The following CHD4 variants were observed in gnomAD, a reference collection of about 807,000 sequenced individuals.
CHD4 encodes the protein ATP-dependent chromatin remodeler CHD4.
CHD4 carries 35 observed loss-of-function variants against 235.5 expected under a neutral mutation model. The ratio of observed to expected loss-of-function variants is 0.15; its 90% CI spans 0.11 to 0.20. CHD4 has a LOEUF of 0.20. Ranked by LOEUF, CHD4 falls within the 10% of genes least tolerant of loss-of-function variation. The pLI, the probability that CHD4 is intolerant of heterozygous loss-of-function variation, is 1.00. For missense variants in CHD4, 1,329 were observed against 2,432.3 expected (o/e 0.55, Z 9.54); for synonymous variants, 900 against 850.2 (o/e 1.06, Z -1.02).
Position 6,601,412 on chromosome 12 carries a change from C to G in CHD4, c.676G>C (p.Val226Leu). Reference sequence around the variant, plus strand: ...ACCGCTGCTGCTGCCGCAGCTGCCACTGATGCCCCAGAACTGCCTTTGAAG... The same window carrying G: ...ACCGCTGCTGCTGCCGCAGCTGCCAGTGATGCCCCAGAACTGCCTTTGAAG... The part of the protein sequence containing the change: ...NPFKGSSGAS[V>L]AAAAAAAVAV... The change falls in exon 6 of 40, where the codon GTG becomes CTG. Residue 226 changes from valine (V) to leucine (L), a missense_variant. This residue lies in a region of CHD4 where 160 missense variants were observed against 196.6 expected (regional missense o/e 0.81). Transcript: ENST00000544040. 1.2e-6 allele frequency: 2 copies of G among 1,614,206 alleles called. No homozygotes were observed. The highest frequency in any genetic ancestry group is 1.7e-6 in the Non-Finnish European group (2 of 1,180,044).
At position 6,570,671 on chromosome 12, in the gene CHD4, C is replaced by T; in HGVS notation, c.*5G>A. On this transcript the variant is annotated 3_prime_UTR_variant, in exon 40 of 40. Transcript: ENST00000544040. ...CAGCGGTGGAGGTGGTATCAGTCTGCATCTTCACTGCTGCTGGGCTACCTA... is the reference window on the plus strand; with the variant it reads ...CAGCGGTGGAGGTGGTATCAGTCTGTATCTTCACTGCTGCTGGGCTACCTA... 2.5e-6 allele frequency: 4 copies of T among 1,614,148 alleles called. No homozygotes were observed. Among genetic ancestry groups the T allele is most frequent in the Non-Finnish European group, 3.4e-6 (4 of 1,180,026 alleles).
At chr12:6,579,951 G>A (rs1454864959) in intron 33 of CHD4, among the ~76,000 whole-genome samples, 1 of 146,914 alleles carries the variant, frequency 6.8e-6, no homozygotes, top group East Asian at 2.1e-4. Flanking sequence ...AGCTACTCAG[G>A]AGGCTGAGGC....
At chr12:6,595,714 G>A (rs996523734) in intron 13 of CHD4, among the ~76,000 whole-genome samples, 1 of 151,424 alleles carries the variant, frequency 6.6e-6, no homozygotes, top group Non-Finnish European at 1.5e-5. Context: ...CTTGAACCCA[G>A]GAGGCGGAGG....
chr12:6,577,029 C>T (rs1182376382), intron 37 of CHD4, among the ~76,000 whole-genome samples: 2 of 152,138 alleles, frequency 1.3e-5, no homozygotes, highest in Non-Finnish European at 2.9e-5. Flanking sequence ...CTCTACCTCC[C>T]GACTTCAAGC....
chr12:6,595,501 G>C (rs1365757601), intron 13 of CHD4, 71 bp from the exon 14 acceptor site: 2 of 1,324,466 alleles, frequency 1.5e-6, no homozygotes. Flanking sequence ...GCCAGGCACA[G>C]TGGCTCACAC....
In CHD4 at chr12:6,600,910, T is replaced by C. The variant is rs1347216819; in HGVS notation, c.927+16A>G. 6 of 1,562,294 alleles carry C rather than the reference T, an allele frequency of 3.8e-6. No homozygotes were observed. Among genetic ancestry groups the C allele is most frequent in the East Asian group, 2.2e-5 (1 of 44,594 alleles). ...AGACATGGCACCCTCCCTAAAGCGA[T>C]GGGCTGGGCTCTCACCGAGGATCTC... On this transcript the variant is annotated intron_variant, in intron 7 of 39. Coordinates refer to ENST00000544040, the MANE Select transcript of CHD4 (RefSeq NM_001273.5).
intron 9 of CHD4, 65 bp downstream of exon 9, chr12:6,600,152 A>C (rs1255262245): frequency 1.3e-6 from 2 of 1,589,900 alleles, no homozygotes; most frequent in Admixed American, 1.7e-5. Flanking sequence ...CCAGGCCCCG[A>C]AGAGCTTTAC....
At chr12:6,576,129 C>T (rs960639874) in intron 37 of CHD4, among the ~76,000 whole-genome samples, 3 of 151,710 alleles carry the variant, frequency 2.0e-5, no homozygotes, top group Admixed American at 6.6e-5. Context: ...GAGTCCGAGG[C>T]GGGCAGAACA....
chr12:6,606,675 G>T, intron 1 of CHD4: 3 of 294,670 alleles, frequency 1.0e-5, no homozygotes, highest in Non-Finnish European at 1.9e-5. Flanking sequence ...GGGCAGGCTG[G>T]TGCAAGCGCG....
chr12:6,601,252 A>G, intron 6 of CHD4, 37 bp downstream of exon 6: 2 of 1,604,880 alleles, frequency 1.2e-6, no homozygotes, highest in Non-Finnish European at 8.5e-7. Context: ...TTAAGCCCAC[A>G]CTAGACACCC....
rs112128909 is a variant in CHD4 at position 6,582,974 on chromosome 12, G to T, written c.4148-38C>A. The T allele has an allele frequency of 1.4e-5, 23 of 1,601,456 alleles. No homozygotes were observed. The Admixed American group carries it at 3.5e-4, about 24-fold the overall frequency. On this transcript the variant is annotated intron_variant, in intron 27 of 39. Transcript: ENST00000544040. ...AAAGATGAATGAGTGACACAGGTAGGATATTAAACAAAGCAACATTTAGAA... is the reference window on the plus strand; with the variant it reads ...AAAGATGAATGAGTGACACAGGTAGTATATTAAACAAAGCAACATTTAGAA...
chr12:6,598,443 A>G lies in CHD4; in HGVS notation c.1483-18T>C. On this transcript the variant is annotated intron_variant, in intron 10 of 39. Transcript: ENST00000544040. ...GCTGGACACTGAGAGAAAAAGAGAC[A>G]ACTTAATCTCAAATCATAACCATGG... 1 of 1,564,882 alleles carries G rather than the reference A, an allele frequency of 6.4e-7. No homozygotes were observed. The highest frequency in any genetic ancestry group is 8.7e-7 in the Non-Finnish European group (1 of 1,150,250).
Position 6,581,298 on chromosome 12 carries a change from G to C in CHD4, c.4772C>G (p.Ala1591Gly). ...AGTCACCCCATCTCTTACCTCAATGGCAGTCTCAGGGGCTGTAGATTTAAC... is the reference window on the plus strand; with the variant it reads ...AGTCACCCCATCTCTTACCTCAATGCCAGTCTCAGGGGCTGTAGATTTAAC... ...KEVKSTAPET[A>G]IECTQAPAPA... Residue 1591 changes from alanine (A) to glycine (G), a missense_variant, in exon 32 of 40, where the codon GCC becomes GGC. By Grantham distance (60) the Ala-to-Gly change is moderately conservative. Around this residue, in one of 26 missense-constraint regions of CHD4, gnomAD observed 219 missense variants for 219.3 expected, o/e 1.00. Coordinates refer to ENST00000544040, the MANE Select transcript of CHD4 (RefSeq NM_001273.5). 6.2e-7 allele frequency: 1 copy of C among 1,614,026 alleles called. No homozygotes were observed. The highest frequency in any genetic ancestry group is 8.5e-7 in the Non-Finnish European group (1 of 1,179,948).
At chr12:6,603,377 T>TTG (rs1948631696) in intron 2 of CHD4, among the ~76,000 whole-genome samples, 1 of 151,994 alleles carries the variant, frequency 6.6e-6, no homozygotes, top group Non-Finnish European at 1.5e-5. Flanking sequence ...TCTCTCCCTC[T>TTG]TCCCAAGCCA....
At chr12:6,578,949 TAAAGGAAGAACATTC>T (rs1246902209) in intron 33 of CHD4, 32 bp from the exon 34 acceptor site, 2 of 1,588,906 alleles carry the variant, frequency 1.3e-6, no homozygotes, top group Admixed American at 3.3e-5. Flanking sequence ...AGACTATACC[TAAAGGAAGAACATTC>T]TCCTCTGTTG....
intron 33 of CHD4, chr12:6,580,704 G>GGAAAAAAAAA (rs1291816166): frequency 2.3e-5 from 1 of 43,314 alleles, no homozygotes; most frequent in African/African-American, 1.3e-4. Flanking sequence ...AAACTCCTTT[G>GGAAAAAAAAA]AAAAAAAAAA....
chr12:6,581,110 C>G lies in CHD4; in HGVS notation c.4843G>C (p.Glu1615Gln). 6.2e-7 allele frequency: 1 copy of G among 1,614,192 alleles called. No homozygotes were observed. Among genetic ancestry groups the G allele is most frequent in the South Asian group, 1.1e-5 (1 of 91,076 alleles). Residue 1615 changes from glutamate (E) to glutamine (Q), a missense_variant, in exon 33 of 40, where the codon GAG becomes CAG. Physicochemically the swap from Glu to Gln is conservative, Grantham distance 29. This residue lies in a region of CHD4 where 219 missense variants were observed against 219.3 expected (regional missense o/e 1.00). Transcript: ENST00000544040. Reference sequence around the variant, plus strand: ...ACCTCTGCCTTTTCCACTTTCTCCTCTCCCTCAGGGGGTTCAACAACGACC... The same window carrying G: ...ACCTCTGCCTTTTCCACTTTCTCCTGTCCCTCAGGGGGTTCAACAACGACC... ...EKVVVEPPEG[E>Q]EKVEKAEVKE...
In CHD4 at chr12:6,583,391, G is replaced by A. The variant is rs1323270461; in HGVS notation, c.3880-13C>T. On this transcript the variant is annotated splice_polypyrimidine_tract_variant and intron_variant, in intron 25 of 39. Coordinates refer to ENST00000544040, the MANE Select transcript of CHD4 (RefSeq NM_001273.5). ...CCTCCTCTTCCTCCTGGGACAGAGGGAGGGCCAGGACTCAGGAGTGCTGAA... is the reference window on the plus strand; with the variant it reads ...CCTCCTCTTCCTCCTGGGACAGAGGAAGGGCCAGGACTCAGGAGTGCTGAA... The A allele has an allele frequency of 6.3e-6, 10 of 1,597,350 alleles. No homozygotes were observed. The highest frequency in any genetic ancestry group is 2.7e-5 in the African/African-American group (2 of 74,706).
At position 6,600,974 on chromosome 12, in the gene CHD4, G is replaced by T. The variant is rs765213185; in HGVS notation, c.879C>A (p.Pro293=). 3.1e-6 allele frequency: 5 copies of T among 1,608,754 alleles called. No homozygotes were observed. Residue 293 remains proline, a synonymous_variant, in exon 7 of 40, where the codon CCC becomes CCA. Coordinates refer to ENST00000544040, the MANE Select transcript of CHD4 (RefSeq NM_001273.5). The part of the protein sequence containing the change: ...AKKPKPKKVA[P]LKIKLGGFGS... Reference sequence around the variant, plus strand: ...CAAAACCTCCCAGCTTGATTTTCAGGGGAGCTACTTTCTTGGGTTTAGGCT... The same window carrying T: ...CAAAACCTCCCAGCTTGATTTTCAGTGGAGCTACTTTCTTGGGTTTAGGCT...
Sources: gnomAD v4.1 joint callset for allele counts (sites outside exome capture counted in the v4.1 genomes callset) on GRCh38, gnomAD v4.1.1 for gene constraint, gnomAD v4.1.1 regional missense constraint, MANE v1.5 for transcripts, NCBI Gene and HGNC (gene_info 2026-07-23, HGNC 2026-07-21) for gene names.